The following SIN3B variants were observed in gnomAD, a reference collection of about 807,000 sequenced individuals.
SIN3B encodes the protein SIN3 transcription regulator family member B.
In SIN3B, 19 loss-of-function variants were observed where a neutral mutation model predicts 120.2. The ratio of observed to expected loss-of-function variants is 0.16; its 90% CI spans 0.11 to 0.23. SIN3B has a LOEUF of 0.23. Ranked by LOEUF, SIN3B falls within the 10% of genes least tolerant of loss-of-function variation. The pLI, the probability that SIN3B is intolerant of heterozygous loss-of-function variation, is 1.00. For missense variants in SIN3B, 1,073 were observed against 1,573.0 expected (o/e 0.68, Z 5.38); for synonymous variants, 654 against 653.2 (o/e 1.00, Z -0.02).
chr19:16,876,459 G>A lies in SIN3B; in HGVS notation c.2767-27G>A, dbSNP rs1170876596. 6.2e-7 allele frequency: 1 copy of A among 1,602,444 alleles called. No individual in the cohort carries two copies. ...TGCCGGCTGGGCTGTGCCGGCAGTG[G>A]AGGCTGTCAGCGTTCCTGCTCCGCA... On this transcript the variant is annotated intron_variant, in intron 15 of 18. Transcript: ENST00000248054. This position sits in a 1 kb window ranked among gnomAD's most constrained non-coding sequence, Gnocchi z 7.1.
Position 16,861,838 on chromosome 19 carries a change from G to A in SIN3B, c.1059-514G>A, listed in dbSNP as rs575283556. Among the ~76,000 whole-genome samples the A allele has an allele frequency of 1.4e-4, 21 of 152,274 alleles. No individual in the cohort carries two copies. The East Asian group carries it at 1.7e-3, about 13-fold the overall frequency. ...TGGTCCCAGCTACTGAGGAGGCTGC[G>A]GTGGGAGGATCTCTTGAGCCCACGA... On this transcript the variant is annotated intron_variant, in intron 8 of 18. Transcript: ENST00000248054.
In SIN3B at chr19:16,851,497, G is replaced by A. The variant is rs563163448; in HGVS notation, c.812G>A (p.Arg271Gln). ...CCGGAGCACAGCAGGAAGCGCTCCC[G>A]GCCCTCGCTCCTCCGCCCCGTGTCT... is the stretch of plus-strand genomic sequence containing the variant. ...KTPEHSRKRS[R>Q]PSLLRPVSAP... Residue 271 changes from arginine to glutamine, a missense_variant, in exon 6 of 19, where the codon CGG becomes CAG. Arg to Gln is a conservative substitution (Grantham distance 43). Coordinates refer to ENST00000248054, the MANE Select transcript of SIN3B (RefSeq NM_001297595.2). 1.1e-5 allele frequency: 18 copies of A among 1,608,634 alleles called. No individual in the cohort carries two copies. Among genetic ancestry groups the A allele is most frequent in the Admixed American group, 3.4e-5 (2 of 59,452 alleles).
At chr19:16,836,909 T>G (rs1971355791) in intron 3 of SIN3B, among the ~76,000 whole-genome samples, 1 of 152,192 alleles carries the variant, frequency 6.6e-6, no homozygotes, top group Non-Finnish European at 1.5e-5. Flanking sequence ...TCTTGGCTCA[T>G]GGAGCAGGCG....
At chr19:16,841,727 C>T (rs369404837) in intron 3 of SIN3B, 41 bp from the exon 4 acceptor site, 116 of 1,579,048 alleles carry the variant, frequency 7.3e-5, no homozygotes, top group Middle Eastern at 4.0e-4. Flanking sequence ...CAATCTGTTT[C>T]CAGTGTCGGG....
intron 3 of SIN3B, among the ~76,000 whole-genome samples, chr19:16,833,455 A>T (rs182129761): frequency 6.9e-4 from 105 of 151,544 alleles, no homozygotes; most frequent in Non-Finnish European, 1.4e-3. Flanking sequence ...ATCATGGTGA[A>T]ACCCTGTCTC....
chr19:16,833,095 T>C (rs1317823866), intron 3 of SIN3B, among the ~76,000 whole-genome samples: 1 of 152,142 alleles, frequency 6.6e-6, no homozygotes, highest in Non-Finnish European at 1.5e-5. Context: ...AGTGCCCCTG[T>C]TGAGAACCAC....
At chr19:16,851,606 CCAGGGAACAGAGGCCCCAGCAGGGGTT>C in intron 6 of SIN3B, 72 bp downstream of exon 6, 1 of 1,495,508 alleles carries the variant, frequency 6.7e-7, no homozygotes, top group South Asian at 1.4e-5. Context: ...CAGCATGTGA[CCAGGGAACAGAGGCCCCAGCAGGGGTT>C]CGGGGCTGGA....
chr19:16,869,942 G>A lies in SIN3B; in HGVS notation c.2289G>A (p.Leu763=). The A allele has an allele frequency of 6.2e-7, 1 of 1,614,240 alleles. No individual in the cohort carries two copies. Residue 763 remains leucine, a synonymous_variant, in exon 13 of 19, where the codon CTG becomes CTA. Transcript: ENST00000248054. ...TGCACCAGACCCTGTGCTCCAGGCTGCTGAAGATCTACCGCCAGGCGCAGA... is the reference window on the plus strand; with the variant it reads ...TGCACCAGACCCTGTGCTCCAGGCTACTGAAGATCTACCGCCAGGCGCAGA... The part of the protein sequence containing the change: ...LRLHQTLCSR[L]LKIYRQAQKQ...
rs777321270 is a variant in SIN3B at position 16,869,817 on chromosome 19, A to G, written c.2164A>G (p.Thr722Ala). 19 of 1,613,806 alleles carry G rather than the reference A, an allele frequency of 1.2e-5. No individual in the cohort carries two copies. The East Asian group carries it at 1.6e-4, about 13-fold the overall frequency. Residue 722 changes from threonine (T) to alanine (A), a missense_variant, in exon 13 of 19, where the codon ACT becomes GCT. Coordinates refer to ENST00000248054, the MANE Select transcript of SIN3B (RefSeq NM_001297595.2). ...EKGAFGDAPATEQPPLPPPAP... is the reference protein window; with the variant it reads ...EKGAFGDAPAAEQPPLPPPAP... ...GGGGGCCTTCGGGGATGCCCCGGCC[A>G]CTGAGCAGCCACCCCTGCCGCCCCC...
At chr19:16,859,937 T>G (rs1362224452) in intron 8 of SIN3B, among the ~76,000 whole-genome samples, 2 of 152,098 alleles carry the variant, frequency 1.3e-5, no homozygotes. Flanking sequence ...CCTCAGTGTC[T>G]TTGTAAAATG....
At chr19:16,846,319 GC>G (rs1329798227) in intron 4 of SIN3B, 1 of 152,190 alleles carries the variant, frequency 6.6e-6, no homozygotes, top group Non-Finnish European at 1.5e-5. Context: ...GGCAGGAGGC[GC>G]CAGCACAGGG....
At chr19:16,863,439 CTG>C in intron 9 of SIN3B, 1 of 554,770 alleles carries the variant, frequency 1.8e-6, no homozygotes, top group Non-Finnish European at 3.2e-6. Context: ...ACTTGAGTAT[CTG>C]TGGATTTGGG....
chr19:16,867,398 G>A (rs963865464), intron 12 of SIN3B, among the ~76,000 whole-genome samples: 5 of 152,334 alleles, frequency 3.3e-5, no homozygotes, highest in African/African-American at 9.6e-5. Context: ...CAAGGCCAGC[G>A]GGGCCCTCAG....
intron 2 of SIN3B, among the ~76,000 whole-genome samples, chr19:16,830,909 C>G (rs1156540627): frequency 1.3e-5 from 2 of 152,218 alleles, no homozygotes; most frequent in South Asian, 2.1e-4. Flanking sequence ...GTTGGCTCTC[C>G]TGACATTTTC....
chr19:16,866,987 C>T (rs182919667), intron 12 of SIN3B, among the ~76,000 whole-genome samples: 3 of 152,270 alleles, frequency 2.0e-5, no homozygotes, highest in African/African-American at 7.2e-5. Flanking sequence ...GAACTCCTGA[C>T]CTCGTGATCC....
intron 11 of SIN3B, 135 bp downstream of exon 11, chr19:16,865,783 G>A (rs1971763852): frequency 1.5e-6 from 1 of 653,946 alleles, no homozygotes; most frequent in South Asian, 1.9e-5. Flanking sequence ...CATCTCCAGG[G>A]GTGGTCTCTG....
At chr19:16,861,268 T>C (rs748415204) in intron 8 of SIN3B, among the ~76,000 whole-genome samples, 1 of 152,174 alleles carries the variant, frequency 6.6e-6, no homozygotes, top group Admixed American at 6.5e-5. Context: ...CAAACCCCTC[T>C]TGTGCAGGCA....
chr19:16,850,051 TATTCCCCCCAAATA>T (rs939730933), intron 5 of SIN3B, among the ~76,000 whole-genome samples: 2 of 152,052 alleles, frequency 1.3e-5, no homozygotes, highest in Non-Finnish European at 2.9e-5. Context: ...TTTGGGTAAT[TATTCCCCCCAAATA>T]ATTCCCCCCA....
chr19:16,851,511 C>T lies in SIN3B; in HGVS notation c.826C>T (p.Arg276Cys), dbSNP rs759412750. The change falls in exon 6 of 19, where the codon CGC (arginine) becomes TGC (cysteine). Residue 276 changes from arginine to cysteine, a missense_variant. Arg to Cys is a radical substitution (Grantham distance 180). Transcript: ENST00000248054. The part of the protein sequence containing the change: ...SRKRSRPSLL[R>C]PVSAPAKKKM... ...GAAGCGCTCCCGGCCCTCGCTCCTC[C>T]GCCCCGTGTCTGCACCCGCCAAGGT... is the stretch of plus-strand genomic sequence containing the variant. 3 of 1,605,018 alleles carry T rather than the reference C, an allele frequency of 1.9e-6. No homozygotes were observed. The highest frequency in any genetic ancestry group is 2.2e-5 in the South Asian group (2 of 89,356).
Sources: allele counts gnomAD v4.1 joint callset (sites outside exome capture counted in the v4.1 genomes callset), GRCh38; gene constraint gnomAD v4.1.1; non-coding constraint Gnocchi (gnomAD v3.1); transcripts MANE v1.5; gene names NCBI Gene and HGNC (gene_info 2026-07-23, HGNC 2026-07-21).